The following PPARGC1A variants were observed in gnomAD, a reference collection of about 807,000 sequenced individuals.
PPARGC1A encodes peroxisome proliferator-activated receptor gamma coactivator 1-alpha.
Under a neutral mutation model 88.7 loss-of-function variants are expected in PPARGC1A, and 25 were observed. The observed-to-expected ratio is 0.28, with a 90% CI of 0.21 to 0.39. The LOEUF (loss-of-function observed/expected upper bound fraction) is 0.39, where lower values mean the gene tolerates loss of function less well. Ranked by LOEUF, PPARGC1A falls within the 10% of genes least tolerant of loss-of-function variation. The pLI is 1.00. For synonymous variants in PPARGC1A, 363 were observed against 355.6 expected, an observed-to-expected ratio of 1.02 and a Z score of -0.24; for missense variants, 880 against 968.7, an observed-to-expected ratio of 0.91 and a Z score of 1.22.
the PPARGC1A span, among the ~76,000 whole-genome samples, chr4:24,444,116 C>T: frequency 3.9e-4 from 60 of 152,120 alleles, no homozygotes; most frequent in Middle Eastern, 6.8e-3. Context: ...AGGCAGCCTC[C>T]GCCTCCCAGG....
chr4:24,028,209 G>C, the PPARGC1A span, among the ~76,000 whole-genome samples: 32 of 152,078 alleles, frequency 2.1e-4, no homozygotes, highest in African/African-American at 7.7e-4. Flanking sequence ...TCTGCCACAG[G>C]GTTTGGAAAT....
the PPARGC1A span, among the ~76,000 whole-genome samples, chr4:24,040,532 T>C: frequency 3.9e-5 from 6 of 152,176 alleles, no homozygotes; most frequent in Non-Finnish European, 7.4e-5. Flanking sequence ...TTTGGTTCTA[T>C]TGGCTTCGGA....
intron 11 of PPARGC1A, 25 bp downstream of exon 11, chr4:23,802,199 A>G: frequency 6.2e-7 from 1 of 1,613,956 alleles, no homozygotes; most frequent in Non-Finnish European, 8.5e-7. Flanking sequence ...GCTTCTAAAC[A>G]AGAAATAATC....
the PPARGC1A span, among the ~76,000 whole-genome samples, chr4:23,947,652 C>G: frequency 2.0e-5 from 3 of 151,982 alleles, no homozygotes; most frequent in Non-Finnish European, 4.4e-5. Context: ...CGTGGCCCCT[C>G]TGTTTCACAG....
the PPARGC1A span, among the ~76,000 whole-genome samples, chr4:24,174,710 G>A: frequency 3.9e-5 from 6 of 152,246 alleles, no homozygotes; most frequent in East Asian, 3.9e-4. Flanking sequence ...ACTGCTGCTC[G>A]GGGCATTTTT....
the PPARGC1A span, among the ~76,000 whole-genome samples, chr4:24,472,690 T>C: frequency 6.0e-5 from 9 of 150,114 alleles, no homozygotes; most frequent in African/African-American, 7.4e-5. This position sits in a 1 kb window ranked among gnomAD's most constrained non-coding sequence, Gnocchi z 4.5. Context: ...CCGCCGCCGC[T>C]GCCGCCTTCT....
intron 10 of PPARGC1A, among the ~76,000 whole-genome samples, chr4:23,807,142 G>C (rs138255538): frequency 1.4e-4 from 21 of 152,248 alleles, no homozygotes; most frequent in African/African-American, 5.1e-4. Context: ...AAATTGCAAA[G>C]ATATTATAAA....
the PPARGC1A span, among the ~76,000 whole-genome samples, chr4:24,416,491 G>A: frequency 6.6e-6 from 1 of 152,156 alleles, no homozygotes; most frequent in Admixed American, 6.5e-5. Flanking sequence ...TGGGAGAGAA[G>A]GGCTGAGGGC....
the PPARGC1A span, among the ~76,000 whole-genome samples, chr4:24,149,119 CAT>C: frequency 1.3e-5 from 2 of 152,028 alleles, no homozygotes; most frequent in Non-Finnish European, 2.9e-5. Context: ...ACAAAAATAA[CAT>C]TGTCAAAATA....
chr4:24,164,008 T>C, the PPARGC1A span, among the ~76,000 whole-genome samples: 4 of 152,246 alleles, frequency 2.6e-5, no homozygotes, highest in Admixed American at 2.6e-4. Flanking sequence ...CAGGTTGGTT[T>C]ATTTATAGCA....
the PPARGC1A span, among the ~76,000 whole-genome samples, chr4:24,330,822 A>G: frequency 2.0e-5 from 3 of 152,244 alleles, no homozygotes; most frequent in African/African-American, 4.8e-5. Flanking sequence ...TTCATCATCC[A>G]TGCAGCCACA....
At chr4:24,349,673 C>G in the PPARGC1A span, among the ~76,000 whole-genome samples, 1 of 152,170 alleles carries the variant, frequency 6.6e-6, no homozygotes, top group Non-Finnish European at 1.5e-5. Flanking sequence ...AGCCCCAAGT[C>G]TGTTTCCAGG....
chr4:23,847,008 T>C (rs6448227), intron 2 of PPARGC1A, among the ~76,000 whole-genome samples: 129,200 of 152,066 alleles, frequency 0.85, 55,323 homozygotes, highest in African/African-American at 0.96. Flanking sequence ...AATGTTGGCT[T>C]TAAATTTAAT....
the PPARGC1A span, among the ~76,000 whole-genome samples, chr4:23,979,912 C>T: frequency 2.6e-5 from 4 of 152,076 alleles, no homozygotes; most frequent in African/African-American, 9.7e-5. Context: ...GAGAACCATC[C>T]CTCTCTCTAT....
At chr4:24,010,281 C>T in the PPARGC1A span, among the ~76,000 whole-genome samples, 1 of 152,042 alleles carries the variant, frequency 6.6e-6, no homozygotes, top group East Asian at 1.9e-4. Flanking sequence ...ATTCCAGTAC[C>T]TAGAACACAA....
At chr4:24,245,886 T>G in the PPARGC1A span, among the ~76,000 whole-genome samples, 1 of 152,028 alleles carries the variant, frequency 6.6e-6, no homozygotes. Context: ...TTATTATTAG[T>G]ACATGGTTTG....
At chr4:24,220,350 C>G in the PPARGC1A span, among the ~76,000 whole-genome samples, 2 of 152,224 alleles carry the variant, frequency 1.3e-5, no homozygotes, top group East Asian at 3.8e-4. Flanking sequence ...AATTGCCATT[C>G]GGCCCAGCAA....
At chr4:24,234,037 C>T in the PPARGC1A span, among the ~76,000 whole-genome samples, 23 of 152,284 alleles carry the variant, frequency 1.5e-4, no homozygotes, top group Middle Eastern at 3.4e-3. Flanking sequence ...AATACAATAA[C>T]GCCAGGGAGG....
At chr4:23,801,033 CTT>C (rs1382212162) in intron 12 of PPARGC1A, among the ~76,000 whole-genome samples, 2 of 146,674 alleles carry the variant, frequency 1.4e-5, no homozygotes, top group African/African-American at 2.5e-5. Flanking sequence ...TTTCTTCTCT[CTT>C]AGTTGTAGTT....
Sources: gnomAD v4.1 joint callset for allele counts (sites outside exome capture counted in the v4.1 genomes callset) on GRCh38, gnomAD v4.1.1 for gene constraint, Gnocchi (gnomAD v3.1) non-coding constraint, MANE v1.5 for transcripts, NCBI Gene and HGNC (gene_info 2026-07-23, HGNC 2026-07-21) for gene names.